PRELID2: variants seen among roughly 807,000 people sequenced by gnomAD.
The protein encoded by PRELID2 is PRELI domain-containing protein 2.
In PRELID2, 25 loss-of-function variants were observed where a neutral mutation model predicts 28.4. The ratio of observed to expected loss-of-function variants is 0.88; its 90% CI spans 0.64 to 1.23. The LOEUF (loss-of-function observed/expected upper bound fraction) is 1.23. PRELID2 is among the 50% of genes most tolerant of loss of function. The probability of loss-of-function intolerance (pLI) is 0.00; values close to 1 mark genes in which losing one functional copy is unlikely to be tolerated. For synonymous variants in PRELID2, 76 were observed against 71.6 expected, an observed-to-expected ratio of 1.06 and a Z score of -0.31; for missense variants, 201 against 214.4, an observed-to-expected ratio of 0.94 and a Z score of 0.39.
At chr5:145,585,577 C>T (rs970939345) in intron 1 of PRELID2, among the ~76,000 whole-genome samples, 1 of 152,024 alleles carries the variant, frequency 6.6e-6, no homozygotes, top group Non-Finnish European at 1.5e-5. Context: ...GTATAATAAT[C>T]GTCCATACCT....
intron 1 of PRELID2, among the ~76,000 whole-genome samples, chr5:145,667,121 G>A (rs56064088): frequency 0.03 from 4,616 of 152,076 alleles, 218 homozygotes; most frequent in African/African-American, 0.1. Context: ...GTCTCAATAC[G>A]CAGAGAAAAA....
At chr5:145,526,716 T>C (rs998523504) in intron 1 of PRELID2, among the ~76,000 whole-genome samples, 1 of 151,882 alleles carries the variant, frequency 6.6e-6, no homozygotes, top group Admixed American at 6.5e-5. Context: ...CAGCAAGTAG[T>C]ATTCAGCATT....
At chr5:145,569,491 C>T (rs1752999380) in intron 1 of PRELID2, among the ~76,000 whole-genome samples, 2 of 152,054 alleles carry the variant, frequency 1.3e-5, no homozygotes, top group Admixed American at 1.3e-4. Flanking sequence ...TTTTGACTTC[C>T]TAAAAGCTAC....
chr5:145,278,200 T>C, the PRELID2 span, among the ~76,000 whole-genome samples: 2 of 152,166 alleles, frequency 1.3e-5, no homozygotes, highest in Admixed American at 6.6e-5. Flanking sequence ...ACTAGCATCA[T>C]CTCAGCCTCC....
chr5:145,701,654 A>C (rs181138653), intron 1 of PRELID2, among the ~76,000 whole-genome samples: 2 of 152,346 alleles, frequency 1.3e-5, no homozygotes, highest in South Asian at 2.1e-4. Context: ...ATTTCTAAAA[A>C]TCAATAAATG....
chr5:145,435,874 T>C, the PRELID2 span, among the ~76,000 whole-genome samples: 2 of 152,286 alleles, frequency 1.3e-5, no homozygotes, highest in South Asian at 4.1e-4. Flanking sequence ...AGTTAATTAG[T>C]TTCTCTAAGC....
the PRELID2 span, among the ~76,000 whole-genome samples, chr5:145,422,673 T>A: frequency 2.0e-5 from 3 of 152,140 alleles, no homozygotes; most frequent in Admixed American, 6.5e-5. Flanking sequence ...CACTGATGGG[T>A]CTTGACTCTT....
chr5:145,251,444 A>G, the PRELID2 span, among the ~76,000 whole-genome samples: 1 of 151,736 alleles, frequency 6.6e-6, no homozygotes, highest in Non-Finnish European at 1.5e-5. Flanking sequence ...ATGAGTTGGA[A>G]GCTCTCAGGG....
At chr5:145,264,716 G>C in the PRELID2 span, among the ~76,000 whole-genome samples, 1 of 152,048 alleles carries the variant, frequency 6.6e-6, no homozygotes, top group Admixed American at 6.6e-5. Context: ...GCTCATGCCT[G>C]TAATCCCTGC....
chr5:145,306,443 A>T, the PRELID2 span, among the ~76,000 whole-genome samples: 3 of 152,098 alleles, frequency 2.0e-5, no homozygotes, highest in Non-Finnish European at 2.9e-5. Context: ...TTACAATGGC[A>T]TTAATTCATA....
At chr5:145,716,181 C>T (rs1012737736) in intron 1 of PRELID2, among the ~76,000 whole-genome samples, 1 of 152,160 alleles carries the variant, frequency 6.6e-6, no homozygotes, top group Non-Finnish European at 1.5e-5. Flanking sequence ...TCTAAGTCTT[C>T]TGTTAGAATG....
At chr5:145,320,406 G>C in the PRELID2 span, among the ~76,000 whole-genome samples, 2 of 151,806 alleles carry the variant, frequency 1.3e-5, no homozygotes, top group Non-Finnish European at 2.9e-5. Flanking sequence ...AAGTAGCTGG[G>C]ACTACAGGCG....
chr5:145,323,288 C>T, the PRELID2 span, among the ~76,000 whole-genome samples: 1 of 151,832 alleles, frequency 6.6e-6, no homozygotes, highest in East Asian at 1.9e-4. Flanking sequence ...GGGAGAGTGG[C>T]CTCAAACACA....
At chr5:145,778,300 G>A (rs1225819482) in intron 5 of PRELID2, among the ~76,000 whole-genome samples, 7 of 152,124 alleles carry the variant, frequency 4.6e-5, no homozygotes, top group Non-Finnish European at 1.0e-4. Context: ...TCTGCTGAGA[G>A]ATACAGGGAC....
At chr5:145,406,525 A>C in the PRELID2 span, among the ~76,000 whole-genome samples, 2 of 152,194 alleles carry the variant, frequency 1.3e-5, no homozygotes, top group African/African-American at 2.4e-5. Context: ...TGTGTACAAC[A>C]ATGTTGGAAA....
chr5:145,354,268 T>C, the PRELID2 span, among the ~76,000 whole-genome samples: 23 of 152,236 alleles, frequency 1.5e-4, no homozygotes, highest in South Asian at 4.6e-3. Context: ...TTCAGATTCC[T>C]AGCCCACTGT....
the PRELID2 span, among the ~76,000 whole-genome samples, chr5:145,335,247 T>C: frequency 6.6e-6 from 1 of 152,068 alleles, no homozygotes; most frequent in Middle Eastern, 3.4e-3. Context: ...TTGAGTCTGA[T>C]GTTGAAGCTT....
chr5:145,326,102 A>T, the PRELID2 span, among the ~76,000 whole-genome samples: 1 of 152,114 alleles, frequency 6.6e-6, no homozygotes, highest in Non-Finnish European at 1.5e-5. Flanking sequence ...TCAATCTTTG[A>T]GCTCAAGCGA....
intron 1 of PRELID2, among the ~76,000 whole-genome samples, chr5:145,620,137 A>G (rs1033920443): frequency 2.6e-5 from 4 of 152,226 alleles, no homozygotes; most frequent in Non-Finnish European, 4.4e-5. Context: ...CATATTATCC[A>G]TAGCAGCATT....
Sources: gnomAD v4.1 joint callset for allele counts (sites outside exome capture counted in the v4.1 genomes callset) on GRCh38, gnomAD v4.1.1 for gene constraint, MANE v1.5 for transcripts, NCBI Gene and HGNC (gene_info 2026-07-23, HGNC 2026-07-21) for gene names.